Variants in CNFN observed in about 807,000 individuals in gnomAD.
CNFN encodes cornefied envelope protein cornefilin.
CNFN carries 10 observed loss-of-function variants against 14.9 expected under a neutral mutation model. That is an observed-to-expected ratio of 0.67 (90% CI 0.41 to 1.14). The LOEUF (loss-of-function observed/expected upper bound fraction) is 1.14. CNFN is among the 50% of genes most tolerant of loss of function. The probability of loss-of-function intolerance (pLI) is 0.00; values close to 1 mark genes in which losing one functional copy is unlikely to be tolerated. For missense variants in CNFN, 165 were observed against 152.8 expected, an observed-to-expected ratio of 1.08 and a Z score of -0.42; for synonymous variants, 66 against 60.0, an observed-to-expected ratio of 1.10 and a Z score of -0.46.
chr19:42,388,492 C>T (rs184321602), intron 2 of CNFN, among the ~76,000 whole-genome samples: 17 of 152,232 alleles, frequency 1.1e-4, no homozygotes, highest in African/African-American at 3.9e-4. Context: ...TGCGCCCGAC[C>T]TATTTTTTAT....
intron 1 of CNFN, among the ~76,000 whole-genome samples, 164 bp from the exon 2 acceptor site, chr19:42,389,203 C>G (rs569846100): frequency 3.9e-5 from 6 of 152,378 alleles, no homozygotes; most frequent in African/African-American, 1.2e-4. Context: ...TACATCTGGG[C>G]ACCGGCAACC....
In CNFN at chr19:42,387,262, G is replaced by C; in HGVS notation, c.250-20C>G. On this transcript the variant is annotated intron_variant, in intron 3 of 3. Transcript: ENST00000222032. ...GGAGCCCTAGAGGGTAGGAGAGAGC[G>C]GTCAGGAGCCCCGCGGTGGGTCCCA... 1 of 1,611,382 alleles carries C rather than the reference G, an allele frequency of 6.2e-7. No homozygotes were observed. Among genetic ancestry groups the C allele is most frequent in the Non-Finnish European group, 8.5e-7 (1 of 1,178,454 alleles).
chr19:42,387,469 G>C lies in CNFN; in HGVS notation c.120C>G (p.Cys40Trp). The C allele has an allele frequency of 6.3e-7, 1 of 1,581,756 alleles. No individual in the cohort carries two copies. The highest frequency in any genetic ancestry group is 8.6e-7 in the Non-Finnish European group (1 of 1,166,348). The change falls in exon 3 of 4, where the codon TGC (cysteine) becomes TGG (tryptophan). Residue 40 changes from cysteine (C) to tryptophan (W), a missense_variant. Coordinates refer to ENST00000222032, the MANE Select transcript of CNFN (RefSeq NM_032488.4). ...CAAGGCACAGAGGAGCAAAAGTGCC[G>C]CACAGACCTGGGCGGGGCGCAGGCG... ...DCCNDMPVCL[C>W]GTFAPLCLAC...
Position 42,387,022 on chromosome 19 carries a change from GT to G in CNFN, c.*130del. On this transcript the variant is annotated 3_prime_UTR_variant, in exon 4 of 4. Coordinates refer to ENST00000222032, the MANE Select transcript of CNFN (RefSeq NM_032488.4). The stretch of plus-strand genomic sequence containing the variant: ...GACAAAATGGATGTAGGCGGAGTTG[GT>G]TTTCAGGTTTTTATTGTGGGTGTAT... 1 of 880,398 alleles carries G rather than the reference GT, an allele frequency of 1.1e-6. No homozygotes were observed. The highest frequency in any genetic ancestry group is 1.8e-6 in the Non-Finnish European group (1 of 549,374). 54.5% of individuals were successfully genotyped at this position (880,398 alleles called of 1,614,324 possible).
intron 2 of CNFN, among the ~76,000 whole-genome samples, chr19:42,387,763 C>A (rs1382902786): frequency 2.7e-5 from 4 of 147,418 alleles, no homozygotes; most frequent in Non-Finnish European, 5.9e-5. Flanking sequence ...GGGAGGATCA[C>A]GAGGTCAGGG....
At chr19:42,389,860 G>C (rs922109100) in intron 1 of CNFN, among the ~76,000 whole-genome samples, 3 of 152,230 alleles carry the variant, frequency 2.0e-5, no homozygotes, top group Non-Finnish European at 4.4e-5. Flanking sequence ...GAGACAAGGG[G>C]AGAAAGATCA....
intron 3 of CNFN, 21 bp downstream of exon 3, chr19:42,387,319 G>C: frequency 1.3e-6 from 2 of 1,598,994 alleles, no homozygotes; most frequent in Non-Finnish European, 1.7e-6. Flanking sequence ...TGCTCCCGCG[G>C]GTCCCCAGCC....
At chr19:42,387,542 G>C (rs1032561135) in intron 2 of CNFN, 66 bp from the exon 3 acceptor site, 4 of 1,329,058 alleles carry the variant, frequency 3.0e-6, no homozygotes, top group African/African-American at 3.0e-5. Context: ...CGCCCCGGGG[G>C]GGGCGCGGTT....
chr19:42,387,537 CG>C lies in CNFN; in HGVS notation c.113-62del, dbSNP rs971482863. 1.1e-4 allele frequency: 151 copies of C among 1,322,406 alleles called. No homozygotes were observed. The African/African-American group carries it at 1.2e-3, about 11-fold the overall frequency. 81.9% of individuals were successfully genotyped at this position (1,322,406 alleles called of 1,614,324 possible). On this transcript the variant is annotated intron_variant, in intron 2 of 3. Coordinates refer to ENST00000222032, the MANE Select transcript of CNFN (RefSeq NM_032488.4). ...CCGGGGCCTCCCGACGGCTCCGCCC[CG>C]GGGGGGGCGCGGTTGATTCGCCGCG...
In CNFN at chr19:42,387,997, AAAC is replaced by A. The variant is rs1400428728; in HGVS notation, c.113-524_113-522del. Among the ~76,000 whole-genome samples the A allele has an allele frequency of 2.0e-4, 29 of 146,444 alleles. 2 individuals carry two copies. The highest frequency in any genetic ancestry group is 6.9e-4 in the African/African-American group (27 of 39,122). On this transcript the variant is annotated intron_variant, in intron 2 of 3. Transcript: ENST00000222032. ...TCCGTCTCAAAAAAAACAAAAAACA[AAAC>A]AAAAAAAAAAACGAAAGAAAGAAAA...
intron 2 of CNFN, among the ~76,000 whole-genome samples, 189 bp from the exon 3 acceptor site, chr19:42,387,665 T>C (rs139085717): frequency 0.079 from 11,802 of 148,742 alleles, 536 homozygotes; most frequent in Middle Eastern, 0.19. Context: ...TTCTTTTTTT[T>C]TTTTTCTTCT....
At chr19:42,387,657 C>CTTTTTTTTTTTTCTTCT (rs2039863975) in intron 2 of CNFN, among the ~76,000 whole-genome samples, 181 bp from the exon 3 acceptor site, 1 of 135,862 alleles carries the variant, frequency 7.4e-6, no homozygotes, top group Admixed American at 7.3e-5. Flanking sequence ...CAGGGTTTTT[C>CTTTTTTTTTTTTCTTCT]TTTTTTTTTT....
chr19:42,387,979 C>CAAAAAAAAA (rs200969895), intron 2 of CNFN, among the ~76,000 whole-genome samples: 1 of 30,934 alleles, frequency 3.2e-5, no homozygotes, highest in African/African-American at 1.3e-4. Context: ...TACTCCGTCT[C>CAAAAAAAAA]AAAAAAAACA....
chr19:42,387,981 A>G (rs1477934481), intron 2 of CNFN, among the ~76,000 whole-genome samples: 1 of 145,612 alleles, frequency 6.9e-6, no homozygotes, highest in African/African-American at 2.6e-5. Flanking sequence ...CTCCGTCTCA[A>G]AAAAAACAAA....
chr19:42,387,538 G>C (rs1190416709), intron 2 of CNFN, 62 bp from the exon 3 acceptor site: 9 of 1,320,092 alleles, frequency 6.8e-6, no homozygotes, highest in Admixed American at 2.7e-5. Context: ...GCTCCGCCCC[G>C]GGGGGGGCGC....
chr19:42,389,648 C>T, intron 1 of CNFN: 7 of 153,332 alleles, frequency 4.6e-5, no homozygotes, highest in Admixed American at 1.7e-4. Flanking sequence ...GCACTGGGGG[C>T]TGGGCTCTCA....
In CNFN at chr19:42,387,106, C is replaced by G. The variant is rs773125676; in HGVS notation, c.*47G>C. 4 of 1,594,726 alleles carry G rather than the reference C, an allele frequency of 2.5e-6. No individual in the cohort carries two copies. The Admixed American group carries it at 6.7e-5, about 27-fold the overall frequency. ...CCCTCCCAGGAGTGGCCAGAGAAGG[C>G]CAGAGGCGAGACTGGTGGAAAAGGA... is the stretch of plus-strand genomic sequence containing the variant. On this transcript the variant is annotated 3_prime_UTR_variant, in exon 4 of 4. Transcript: ENST00000222032.
chr19:42,388,687 G>A (rs1485948715), intron 2 of CNFN, among the ~76,000 whole-genome samples: 1 of 152,174 alleles, frequency 6.6e-6, no homozygotes, highest in Non-Finnish European at 1.5e-5. Flanking sequence ...AGCTGAGCAT[G>A]CAAAGGGGAG....
intron 2 of CNFN, among the ~76,000 whole-genome samples, chr19:42,387,681 T>C (rs1034473611): frequency 6.7e-6 from 1 of 149,348 alleles, no homozygotes; most frequent in African/African-American, 2.4e-5. Flanking sequence ...CTTCTTTTTT[T>C]TTTTTTTTAG....
Sources: allele counts gnomAD v4.1 joint callset (sites outside exome capture counted in the v4.1 genomes callset), GRCh38; gene constraint gnomAD v4.1.1; transcripts MANE v1.5; gene names NCBI Gene and HGNC (gene_info 2026-07-23, HGNC 2026-07-21).